Variants in ZNF560 observed in about 807,000 individuals in gnomAD.
ZNF560 encodes zinc finger protein 560.
In ZNF560, 54 loss-of-function variants were observed where a neutral mutation model predicts 81.8. The observed-to-expected ratio is 0.66, with a 90% CI of 0.53 to 0.83. The LOEUF (loss-of-function observed/expected upper bound fraction) is 0.83, where lower values mean the gene tolerates loss of function less well. Among genes scored for constraint, ZNF560 ranks in the 40% least tolerant of loss-of-function variants. The probability of loss-of-function intolerance (pLI) is 0.00; values close to 1 mark genes in which losing one functional copy is unlikely to be tolerated. For synonymous variants in ZNF560, 321 were observed against 317.9 expected, an observed-to-expected ratio of 1.01 and a Z score of -0.10; for missense variants, 940 against 932.4, an observed-to-expected ratio of 1.01 and a Z score of -0.11.
At chr19:9,450,466 G>A in the ZNF560 span, among the ~76,000 whole-genome samples, 1 of 152,102 alleles carries the variant, frequency 6.6e-6, no homozygotes, top group Non-Finnish European at 1.5e-5. Flanking sequence ...CTGACAAAAG[G>A]CCCCTGGAGC....
upstream of ZNF560, among the ~76,000 whole-genome samples, chr19:9,501,114 T>C (rs1041984879): frequency 6.6e-6 from 1 of 151,810 alleles, no homozygotes; most frequent in Non-Finnish European, 1.5e-5. Context: ...GATTTTTGCA[T>C]CTATATTCAT....
chr19:9,498,886 T>A (rs2073605880), upstream of ZNF560: 1 of 152,264 alleles, frequency 6.6e-6, no homozygotes, highest in South Asian at 2.1e-4. Flanking sequence ...GGTGGCAGAA[T>A]GGACCAGGAA....
intron 3 of ZNF560, 142 bp downstream of exon 3, chr19:9,475,142 G>T: frequency 1.3e-6 from 1 of 792,842 alleles, no homozygotes; most frequent in South Asian, 1.6e-5. Flanking sequence ...CCACTCCCTG[G>T]GGAAATTCAA....
downstream of ZNF560, among the ~76,000 whole-genome samples, chr19:9,464,492 T>C (rs2072984413): frequency 6.6e-6 from 1 of 152,218 alleles, no homozygotes; most frequent in Non-Finnish European, 1.5e-5. Flanking sequence ...TATCTGTTAG[T>C]GCACCCTTTC....
the ZNF560 span, among the ~76,000 whole-genome samples, chr19:9,450,924 T>A: frequency 3.3e-5 from 5 of 152,092 alleles, no homozygotes; most frequent in Non-Finnish European, 4.4e-5. Context: ...TAGGAATACA[T>A]CTAACCAAGG....
chr19:9,449,974 C>CAAAAAAAAAAAAAAA, the ZNF560 span, among the ~76,000 whole-genome samples: 1 of 43,374 alleles, frequency 2.3e-5, no homozygotes, highest in African/African-American at 7.2e-5. Flanking sequence ...AACTCTGTCT[C>CAAAAAAAAAAAAAAA]AAAAAAAAAA....
chr19:9,481,497 G>A (rs530373125), intron 2 of ZNF560, among the ~76,000 whole-genome samples: 5 of 152,096 alleles, frequency 3.3e-5, no homozygotes, highest in Non-Finnish European at 5.9e-5. Flanking sequence ...CCTACAGAAT[G>A]GGAGAAAATT....
intron 2 of ZNF560, among the ~76,000 whole-genome samples, chr19:9,497,348 A>C (rs889587334): frequency 6.6e-6 from 1 of 152,012 alleles, no homozygotes; most frequent in African/African-American, 2.4e-5. Flanking sequence ...CATCCTGGCT[A>C]TCACGGTGAA....
intron 9 of ZNF560, 135 bp downstream of exon 9, chr19:9,468,970 C>T (rs559652654): frequency 1.1e-4 from 69 of 646,868 alleles, no homozygotes; most frequent in African/African-American, 3.0e-4. Flanking sequence ...CCTCATGATC[C>T]GCCTGCCTCA....
downstream of ZNF560, among the ~76,000 whole-genome samples, chr19:9,465,234 G>A (rs185518428): frequency 6.0e-4 from 90 of 150,732 alleles, no homozygotes; most frequent in African/African-American, 2.0e-3. Context: ...TGGTTGAAGC[G>A]ACTCTCCTGC....
chr19:9,475,594 A>G (rs10422623), intron 2 of ZNF560, among the ~76,000 whole-genome samples: 7,041 of 151,444 alleles, frequency 0.046, 571 homozygotes, highest in African/African-American at 0.16. Context: ...TCCTCATTGC[A>G]CAGGTAAAGA....
chr19:9,497,181 TAGA>T (rs1017571331), intron 2 of ZNF560, among the ~76,000 whole-genome samples: 34 of 152,202 alleles, frequency 2.2e-4, no homozygotes, highest in African/African-American at 8.2e-4. Flanking sequence ...CGTTATATTT[TAGA>T]AGAATTTGGA....
intron 2 of ZNF560, among the ~76,000 whole-genome samples, chr19:9,478,204 C>T (rs1302882332): frequency 1.3e-5 from 2 of 152,118 alleles, no homozygotes; most frequent in Admixed American, 1.3e-4. Context: ...GACCTGTCAC[C>T]AAAGACCTTA....
chr19:9,482,278 G>A (rs1467166118), intron 2 of ZNF560, among the ~76,000 whole-genome samples: 2 of 152,078 alleles, frequency 1.3e-5, no homozygotes, highest in South Asian at 2.1e-4. Flanking sequence ...CTGTTGTGGG[G>A]TGGGGGTATG....
At chr19:9,464,626 C>T (rs1423642753), downstream of ZNF560, among the ~76,000 whole-genome samples, 1 of 152,182 alleles carries the variant, frequency 6.6e-6, no homozygotes, top group African/African-American at 2.4e-5. Flanking sequence ...GTGTGAGCCA[C>T]TACAGGTGGA....
In ZNF560 at chr19:9,466,773, G is replaced by A; in HGVS notation, c.2174C>T (p.Ser725Leu). 6.2e-7 allele frequency: 1 copy of A among 1,614,118 alleles called. No individual in the cohort carries two copies. The highest frequency in any genetic ancestry group is 8.5e-7 in the Non-Finnish European group (1 of 1,180,004). Residue 725 changes from serine to leucine, a missense_variant, in exon 10 of 10, where the codon TCA becomes TTA. Coordinates refer to ENST00000301480, the MANE Select transcript of ZNF560 (RefSeq NM_152476.3). ...AATTCGCACATGATTAGTAAGATCTGAATGACAAGTGAAGGCTTTCCCACA... is the reference window on the plus strand; with the variant it reads ...AATTCGCACATGATTAGTAAGATCTAAATGACAAGTGAAGGCTTTCCCACA... ...KDCGKAFTCH[S>L]DLTNHVRIHT...
At chr19:9,487,844 A>G (rs897394893) in intron 2 of ZNF560, among the ~76,000 whole-genome samples, 1 of 152,188 alleles carries the variant, frequency 6.6e-6, no homozygotes, top group Non-Finnish European at 1.5e-5. Flanking sequence ...GCATCAAGAA[A>G]ATATGAATTT....
At chr19:9,464,680 T>G (rs2072987449), downstream of ZNF560, among the ~76,000 whole-genome samples, 1 of 152,166 alleles carries the variant, frequency 6.6e-6, no homozygotes, top group Non-Finnish European at 1.5e-5. Context: ...ATCTACACTG[T>G]TAAAACAGGA....
At chr19:9,460,753 G>A in the ZNF560 span, among the ~76,000 whole-genome samples, 10 of 152,066 alleles carry the variant, frequency 6.6e-5, no homozygotes, top group Admixed American at 2.0e-4. Flanking sequence ...GAGGCATACC[G>A]CCCTCAAAAA....
Sources: allele counts gnomAD v4.1 joint callset (sites outside exome capture counted in the v4.1 genomes callset), GRCh38; gene constraint gnomAD v4.1.1; transcripts MANE v1.5; gene names NCBI Gene and HGNC (gene_info 2026-07-23, HGNC 2026-07-21).